The following KIAA1328 variants were observed in gnomAD, a reference collection of about 807,000 sequenced individuals.
The protein encoded by KIAA1328 is protein hinderin.
Under a neutral mutation model 68.1 loss-of-function variants are expected in KIAA1328, and 52 were observed. The ratio of observed to expected loss-of-function variants is 0.76; its 90% CI spans 0.61 to 0.96. The LOEUF (loss-of-function observed/expected upper bound fraction) is 0.96, where lower values mean the gene tolerates loss of function less well. KIAA1328 is among the 40% of genes least tolerant of loss of function. The probability of loss-of-function intolerance (pLI) is 0.00; values close to 1 mark genes in which losing one functional copy is unlikely to be tolerated. For synonymous variants in KIAA1328, 232 were observed against 239.4 expected, an observed-to-expected ratio of 0.97 and a Z score of 0.28; for missense variants, 641 against 677.6, an observed-to-expected ratio of 0.95 and a Z score of 0.60.
At chr18:37,053,027 A>G (rs1035218377) in intron 6 of KIAA1328, among the ~76,000 whole-genome samples, 1 of 152,230 alleles carries the variant, frequency 6.6e-6, no homozygotes, top group Non-Finnish European at 1.5e-5. Flanking sequence ...ATGAGTGCAA[A>G]TAGCCAAAGC....
chr18:37,048,480 CCTGT>C (rs2055565128), intron 6 of KIAA1328, among the ~76,000 whole-genome samples: 1 of 152,062 alleles, frequency 6.6e-6, no homozygotes, highest in Admixed American at 6.6e-5. Flanking sequence ...TGTCTTACAA[CCTGT>C]CTATTTGCCT....
At chr18:37,039,720 TC>T (rs2055171394) in intron 6 of KIAA1328, among the ~76,000 whole-genome samples, 1 of 152,188 alleles carries the variant, frequency 6.6e-6, no homozygotes, top group South Asian at 2.1e-4. Context: ...CTGTTAGTTT[TC>T]TATGTGAAAC....
chr18:37,067,941 AC>A (rs1393681971), intron 7 of KIAA1328, among the ~76,000 whole-genome samples: 1 of 152,096 alleles, frequency 6.6e-6, no homozygotes, highest in African/African-American at 2.4e-5. Flanking sequence ...GATGGGTAGA[AC>A]CAGAGGTTTT....
intron 6 of KIAA1328, among the ~76,000 whole-genome samples, chr18:36,991,716 A>G (rs564531539): frequency 2.6e-5 from 4 of 152,268 alleles, no homozygotes; most frequent in South Asian, 4.1e-4. Context: ...TGCAGCTGAC[A>G]TGTTAGCTAT....
chr18:37,168,184 T>G (rs78828601), intron 8 of KIAA1328, among the ~76,000 whole-genome samples: 1,630 of 152,292 alleles, frequency 0.011, 30 homozygotes, highest in African/African-American at 0.037. Context: ...TCTGCCCAAC[T>G]TTATAGGAAA....
rs1239118096 is a variant in KIAA1328, at chr18:37,077,381, G to T, written c.1232+9836G>T. On this transcript the variant is annotated intron_variant, in intron 7 of 9. Transcript: ENST00000280020. ...ACAAACCCACAGCCAATACCATACT[G>T]AATGGGCAAAAACTGGAAGCATTCC... Among the ~76,000 whole-genome samples the T allele has an allele frequency of 7.5e-5, 11 of 147,586 alleles. No homozygotes were observed. In the East Asian group the frequency reaches 1.4e-3, roughly 18 times the overall value.
intron 9 of KIAA1328, among the ~76,000 whole-genome samples, chr18:37,195,087 A>C (rs764484120): frequency 6.6e-6 from 1 of 152,104 alleles, no homozygotes; most frequent in Non-Finnish European, 1.5e-5. Flanking sequence ...TCAAACATTT[A>C]TCTCTTCTTT....
chr18:36,865,750 C>T (rs551538330), intron 4 of KIAA1328, among the ~76,000 whole-genome samples: 1 of 152,262 alleles, frequency 6.6e-6, no homozygotes, highest in East Asian at 1.9e-4. Flanking sequence ...TCAGGATACA[C>T]TCTGTCTAAA....
At chr18:36,914,963 T>C (rs553692890) in intron 5 of KIAA1328, among the ~76,000 whole-genome samples, 12 of 152,338 alleles carry the variant, frequency 7.9e-5, no homozygotes, top group African/African-American at 1.9e-4. Context: ...ATAGTGAAGA[T>C]GTTAATTATC....
chr18:36,869,158 G>A (rs951491686), intron 4 of KIAA1328, among the ~76,000 whole-genome samples: 1 of 151,268 alleles, frequency 6.6e-6, no homozygotes, highest in African/African-American at 2.4e-5. Context: ...TTTAAGAAAA[G>A]GAACCTTGAA....
intron 9 of KIAA1328, among the ~76,000 whole-genome samples, chr18:37,219,456 G>T (rs767226116): frequency 1.8e-4 from 27 of 152,314 alleles, no homozygotes; most frequent in Middle Eastern, 3.4e-3. Context: ...AGGCAGGCAG[G>T]CCTCGTTGAC....
intron 5 of KIAA1328, among the ~76,000 whole-genome samples, chr18:36,918,257 C>A (rs2049784498): frequency 6.6e-6 from 1 of 151,862 alleles, no homozygotes; most frequent in African/African-American, 2.4e-5. Context: ...ATTCAAAAAG[C>A]CTTCTTTTGA....
intron 7 of KIAA1328, among the ~76,000 whole-genome samples, chr18:37,099,193 C>T (rs542830544): frequency 4.6e-5 from 7 of 152,256 alleles, no homozygotes; most frequent in Middle Eastern, 6.8e-3. Context: ...ATCTTTCCTG[C>T]TTTCTCTTGT....
intron 7 of KIAA1328, chr18:37,075,479 A>G (rs2056690379): frequency 1.3e-5 from 2 of 152,210 alleles, no homozygotes; most frequent in Admixed American, 6.5e-5. Context: ...TTCACACATA[A>G]CAATATTAAC....
intron 4 of KIAA1328, among the ~76,000 whole-genome samples, chr18:36,854,229 A>G (rs768689601): frequency 2.0e-5 from 3 of 152,188 alleles, no homozygotes; most frequent in Non-Finnish European, 4.4e-5. Context: ...ACCTCAGAAG[A>G]AACTAATCCT....
intron 7 of KIAA1328, among the ~76,000 whole-genome samples, chr18:37,117,414 T>G (rs1227742750): frequency 6.6e-6 from 1 of 152,136 alleles, no homozygotes; most frequent in East Asian, 1.9e-4. Flanking sequence ...ACACCACATG[T>G]TCTCACTCAT....
At chr18:37,128,049 A>G (rs1291144488) in intron 7 of KIAA1328, among the ~76,000 whole-genome samples, 1 of 152,218 alleles carries the variant, frequency 6.6e-6, no homozygotes, top group African/African-American at 2.4e-5. Context: ...ACAAAAATTA[A>G]CTCACAGTTA....
At chr18:37,177,062 A>G (rs2059609689) in intron 9 of KIAA1328, among the ~76,000 whole-genome samples, 2 of 152,228 alleles carry the variant, frequency 1.3e-5, no homozygotes, top group African/African-American at 4.8e-5. Flanking sequence ...ATGTATGCCA[A>G]TTTAATCAAA....
intron 5 of KIAA1328, chr18:36,924,954 C>T (rs1427041763): frequency 6.6e-6 from 1 of 152,144 alleles, no homozygotes; most frequent in African/African-American, 2.4e-5. Flanking sequence ...TCCTGAAACA[C>T]CAAGCAAATT....
Sources: allele counts gnomAD v4.1 joint callset (sites outside exome capture counted in the v4.1 genomes callset), GRCh38; gene constraint gnomAD v4.1.1; transcripts MANE v1.5; gene names NCBI Gene and HGNC (gene_info 2026-07-23, HGNC 2026-07-21).